MBIP: variants seen among roughly 807,000 people sequenced by gnomAD.
MBIP encodes MAP3K12 binding inhibitory protein 1, also known as MAP3K12-binding inhibitory protein 1.
In MBIP, 32 loss-of-function variants were observed where a neutral mutation model predicts 45.7. The ratio of observed to expected loss-of-function variants is 0.70; its 90% confidence interval spans 0.53 to 0.94. The LOEUF is 0.94. Ranked by LOEUF, MBIP falls within the 40% of genes least tolerant of loss-of-function variation. The pLI, the probability that MBIP is intolerant of heterozygous loss-of-function variation, is 0.00. For missense variants in MBIP, 381 were observed against 405.5 expected (o/e 0.94, Z 0.52); for synonymous variants, 145 against 141.0 (o/e 1.03, Z -0.20).
intron 7 of MBIP, among the ~76,000 whole-genome samples, chr14:36,302,878 T>C (rs958443816): frequency 1.3e-5 from 2 of 152,220 alleles, no homozygotes; most frequent in Non-Finnish European, 2.9e-5. Context: ...AGACATTCAG[T>C]AGAAACTGTA....
At chr14:36,315,828 C>A (rs1880534084) in intron 2 of MBIP, among the ~76,000 whole-genome samples, 1 of 152,130 alleles carries the variant, frequency 6.6e-6, no homozygotes, top group Non-Finnish European at 1.5e-5. Flanking sequence ...CACACTAACA[C>A]TAATAACGTT....
chr14:36,308,200 T>A lies in MBIP; in HGVS notation c.791-11A>T. 3.7e-6 allele frequency: 5 copies of A among 1,337,512 alleles called. No individual in the cohort carries two copies. Among genetic ancestry groups the A allele is most frequent in the Non-Finnish European group, 5.2e-6 (5 of 961,058 alleles). The allele number at this position is 1,337,512 out of a possible 1,614,324, so 82.9% of individuals were successfully genotyped here. ...TTGGCACTGGACCACCTAAATACAT[T>A]AAAAAAAAATCTGAGATACTATTGA... On this transcript the variant is annotated splice_polypyrimidine_tract_variant and intron_variant, in intron 6 of 8. Transcript: ENST00000416007.
chr14:36,313,213 T>C (rs1670703558), intron 4 of MBIP: 1 of 151,834 alleles, frequency 6.6e-6, no homozygotes, highest in South Asian at 2.1e-4. Context: ...CTTCCTACCA[T>C]TTCATGGGGC....
At chr14:36,315,563 C>G (rs935753973) in intron 2 of MBIP, among the ~76,000 whole-genome samples, 10 of 152,086 alleles carry the variant, frequency 6.6e-5, no homozygotes, top group South Asian at 2.1e-4. Context: ...AAAAAAAGAT[C>G]TATAGCTGAA....
At chr14:36,300,896 C>G (rs1253944217) in intron 7 of MBIP, 73 bp from the exon 8 acceptor site, 1 of 913,026 alleles carries the variant, frequency 1.1e-6, no homozygotes, top group African/African-American at 1.7e-5. Context: ...AAATACTGTA[C>G]AAATTATGTA....
intron 4 of MBIP, among the ~76,000 whole-genome samples, chr14:36,312,925 T>A (rs1315088187): frequency 6.7e-6 from 1 of 150,318 alleles, no homozygotes; most frequent in East Asian, 1.9e-4. Context: ...AAAAATTATT[T>A]TTTCCCCCCT....
At chr14:36,309,931 C>A (rs1364253361) in intron 6 of MBIP, among the ~76,000 whole-genome samples, 1 of 152,174 alleles carries the variant, frequency 6.6e-6, no homozygotes, top group African/African-American at 2.4e-5. Flanking sequence ...CCACTACACC[C>A]ATCCTTTCAT....
chr14:36,308,761 C>T (rs1036270143), intron 6 of MBIP, among the ~76,000 whole-genome samples: 1 of 152,164 alleles, frequency 6.6e-6, no homozygotes, highest in Non-Finnish European at 1.5e-5. Flanking sequence ...CTTCTCACCC[C>T]CTCCACACTG....
At chr14:36,315,033 T>G in intron 2 of MBIP, 118 bp from the exon 3 acceptor site, 1 of 660,422 alleles carries the variant, frequency 1.5e-6, no homozygotes, top group Non-Finnish European at 2.6e-6. Flanking sequence ...AGTTAATAAA[T>G]ATAAAAAGTT....
chr14:36,300,651 C>A, intron 8 of MBIP, 134 bp downstream of exon 8: 1 of 573,350 alleles, frequency 1.7e-6, no homozygotes, highest in East Asian at 3.0e-5. Flanking sequence ...TTAGTTTATA[C>A]TGCCCTTTTC....
chr14:36,320,026 T>G (rs944248225), intron 1 of MBIP, among the ~76,000 whole-genome samples: 8 of 151,848 alleles, frequency 5.3e-5, no homozygotes, highest in Non-Finnish European at 7.4e-5. Flanking sequence ...AACAAATTAC[T>G]CCCTCCCCCA....
intron 7 of MBIP, 151 bp from the exon 8 acceptor site, chr14:36,300,974 A>G: frequency 1.9e-6 from 1 of 518,164 alleles, no homozygotes; most frequent in South Asian, 3.0e-5. Flanking sequence ...TCTGTAACCA[A>G]CATCTACCTT....
rs111577508 is a variant in MBIP, at chr14:36,316,665, G to A, written c.249+28C>T. The stretch of plus-strand genomic sequence containing the variant: ...ACAATCAATTTCTATTTTCAATATC[G>A]GGTTATCATTTCTAACAAGAAATTT... On this transcript the variant is annotated intron_variant, in intron 2 of 8. Coordinates refer to ENST00000416007, the MANE Select transcript of MBIP (RefSeq NM_016586.3). The A allele has an allele frequency of 3.5e-5, 56 of 1,581,020 alleles. No individual in the cohort carries two copies. The African/African-American group carries it at 4.9e-4, about 14-fold the overall frequency.
chr14:36,314,567 A>G lies in MBIP; in HGVS notation c.516T>C (p.Ala172=). 6.2e-7 allele frequency: 1 copy of G among 1,611,692 alleles called. No individual in the cohort carries two copies. Among genetic ancestry groups the G allele is most frequent in the African/African-American group, 1.3e-5 (1 of 74,940 alleles). ...CCCTGACGTTGTTTTCATTGATTTC[A>G]GCTTGCTTTCTTTCAATAAATGCAG... ...RISAFIERKQ[A]EINENNVREF... Residue 172 remains alanine (A), a synonymous_variant, in exon 4 of 9, where the codon GCT becomes GCC. Coordinates refer to ENST00000416007, the MANE Select transcript of MBIP (RefSeq NM_016586.3).
intron 6 of MBIP, among the ~76,000 whole-genome samples, chr14:36,311,180 G>C (rs1402250502): frequency 6.6e-6 from 1 of 152,160 alleles, no homozygotes; most frequent in Non-Finnish European, 1.5e-5. Context: ...TTTGAGCAGG[G>C]TGCAGTAGTG....
chr14:36,313,061 T>C (rs1367875676), intron 4 of MBIP, among the ~76,000 whole-genome samples: 1 of 152,080 alleles, frequency 6.6e-6, no homozygotes, highest in East Asian at 1.9e-4. Context: ...TTAGTAGTTC[T>C]GTTGATAAAT....
intron 8 of MBIP, among the ~76,000 whole-genome samples, chr14:36,300,474 A>C (rs1238247514): frequency 2.6e-5 from 4 of 152,178 alleles, no homozygotes; most frequent in African/African-American, 4.8e-5. Context: ...AGAAGTGTTC[A>C]CAAAAGGAAG....
At chr14:36,316,629 C>T (rs889302330) in intron 2 of MBIP, 64 bp downstream of exon 2, 11 of 1,473,440 alleles carry the variant, frequency 7.5e-6, no homozygotes, top group Non-Finnish European at 1.0e-5. Flanking sequence ...AATACTCCAA[C>T]TAACTTAACC....
intron 7 of MBIP, chr14:36,305,018 T>C: frequency 6.6e-6 from 1 of 152,218 alleles, no homozygotes; most frequent in Non-Finnish European, 1.5e-5. Flanking sequence ...TTAGAAGCTA[T>C]AGGACTGTGC....
Sources: allele counts gnomAD v4.1 joint callset (sites outside exome capture counted in the v4.1 genomes callset), GRCh38; gene constraint gnomAD v4.1.1; transcripts MANE v1.5; gene names NCBI Gene and HGNC (gene_info 2026-07-23, HGNC 2026-07-21).